Variants in C3 observed in about 807,000 individuals in gnomAD.
C3 encodes the protein complement C3.
C3 carries 97 observed loss-of-function variants against 207.9 expected under a neutral mutation model. That is an observed-to-expected ratio of 0.47 (90% CI 0.40 to 0.55). The LOEUF is 0.55. Among genes scored for constraint, C3 ranks in the 20% least tolerant of loss-of-function variants. The probability of loss-of-function intolerance (pLI) is 0.00; values close to 1 mark genes in which losing one functional copy is unlikely to be tolerated. For synonymous variants in C3, 848 were observed against 857.6 expected (o/e 0.99, Z 0.20); for missense variants, 1,684 against 2,171.7 (o/e 0.78, Z 4.46).
intron 17 of C3, among the ~76,000 whole-genome samples, chr19:6,703,256 G>A (rs1037274436): frequency 6.6e-6 from 1 of 152,136 alleles, no homozygotes; most frequent in Non-Finnish European, 1.5e-5. Flanking sequence ...ACTGGTATAA[G>A]GACATATACA....
chr19:6,703,083 C>T (rs185645321), intron 17 of C3, among the ~76,000 whole-genome samples: 35 of 152,206 alleles, frequency 2.3e-4, no homozygotes, highest in South Asian at 8.3e-4. Flanking sequence ...ACTTCCTCAG[C>T]GGTCACACCT....
chr19:6,685,475 G>T (rs1917981571), intron 29 of C3, among the ~76,000 whole-genome samples: 1 of 152,158 alleles, frequency 6.6e-6, no homozygotes, highest in Non-Finnish European at 1.5e-5. Context: ...CCAGGGCTTG[G>T]AGACACTGAG....
rs756779328 is a variant in C3, at chr19:6,710,609, A to G, written c.1686+30T>C. ...GAGAGAGAGGAGTAGGGAGAGGGAG[A>G]GGGGGCGAGCGAGCCCAGGGCACAC... On this transcript the variant is annotated intron_variant, in intron 13 of 40. Coordinates refer to ENST00000245907, the MANE Select transcript of C3 (RefSeq NM_000064.4). The G allele has an allele frequency of 5.9e-6, 9 of 1,525,666 alleles. No homozygotes were observed. The South Asian group carries it at 9.1e-5, about 15-fold the overall frequency. The allele number at this position is 1,525,666 out of a possible 1,614,324, so 94.5% of individuals were successfully genotyped here. A position where few individuals can be genotyped will look rare whatever the true frequency, so the allele number is the denominator to read the frequency against.
In C3 at chr19:6,702,180, T is replaced by C; in HGVS notation, c.2387A>G (p.Lys796Arg). Reference protein sequence around the residue: ...ISTKLMNIFLKDSITTWEILA... With the variant: ...ISTKLMNIFLRDSITTWEILA... ...AATCTCCCACGTGGTGATGGAGTCT[T>C]TCAAAAATATATTCATGAGCTTCGT... The change falls in exon 19 of 41, where the codon AAA (lysine) becomes AGA (arginine). Residue 796 changes from lysine (K) to arginine (R), a missense_variant. Transcript: ENST00000245907. The C allele has an allele frequency of 1.2e-6, 2 of 1,605,588 alleles. No individual in the cohort carries two copies. The highest frequency in any genetic ancestry group is 1.7e-6 in the Non-Finnish European group (2 of 1,174,146).
rs1402059916 is a variant in C3, at chr19:6,719,660, G to A, written c.75-257C>T. Reference sequence around the variant, plus strand: ...GGCCTTTGAAAGCCTGGGCAACGAGGGGGCCACACATCCCACCAAACCCTG... The same window carrying A: ...GGCCTTTGAAAGCCTGGGCAACGAGAGGGCCACACATCCCACCAAACCCTG... On this transcript the variant is annotated intron_variant, in intron 1 of 40. Coordinates refer to ENST00000245907, the MANE Select transcript of C3 (RefSeq NM_000064.4). The surrounding 1 kb of genome is among the most constrained non-coding windows in gnomAD (Gnocchi z 5.4). Among the ~76,000 whole-genome samples, 2 of 92,246 alleles carry A rather than the reference G, an allele frequency of 2.2e-5. No individual in the cohort carries two copies. The highest frequency in any genetic ancestry group is 4.3e-5 in the Non-Finnish European group (2 of 46,174). The allele number at this position is 92,246 out of a possible 152,430, so 60.5% of individuals were successfully genotyped here. A position where few individuals can be genotyped will look rare whatever the true frequency, so the allele number is the denominator to read the frequency against.
chr19:6,694,338 G>A lies in C3; in HGVS notation c.3154+93C>T, dbSNP rs531723391. ...CTAGGAGAGAAGGTGGAGCCTCAGG[G>A]GAGGGCGTGGTCTTGAGATGAGGTG... On this transcript the variant is annotated intron_variant, in intron 24 of 40. Coordinates refer to ENST00000245907, the MANE Select transcript of C3 (RefSeq NM_000064.4). The A allele has an allele frequency of 9.7e-5, 108 of 1,114,826 alleles. No homozygotes were observed. The South Asian group carries it at 1.3e-3, about 14-fold the overall frequency. The allele number at this position is 1,114,826 out of a possible 1,614,324, so 69.1% of individuals were successfully genotyped here.
intron 19 of C3, among the ~76,000 whole-genome samples, chr19:6,701,016 G>A (rs551624499): frequency 2.0e-5 from 3 of 151,982 alleles, no homozygotes; most frequent in East Asian, 1.9e-4. Context: ...GCAGATAGGC[G>A]GAAATGAGCA....
chr19:6,685,897 T>C (rs565172168), intron 29 of C3, among the ~76,000 whole-genome samples: 1 of 152,302 alleles, frequency 6.6e-6, no homozygotes, highest in South Asian at 2.1e-4. Context: ...TCTAGACACC[T>C]GGGGCAAGAA....
chr19:6,678,679 G>A (rs953597236), intron 38 of C3, among the ~76,000 whole-genome samples: 1 of 152,072 alleles, frequency 6.6e-6, no homozygotes, highest in Non-Finnish European at 1.5e-5. Flanking sequence ...AGAGGTCACA[G>A]CCACCCACAA....
chr19:6,696,850 G>A (rs1181974433), intron 21 of C3, among the ~76,000 whole-genome samples, 191 bp from the exon 22 acceptor site: 2 of 151,446 alleles, frequency 1.3e-5, no homozygotes, highest in African/African-American at 4.9e-5. Context: ...GACCATCCTG[G>A]CTAACACAGT....
chr19:6,706,482 G>A (rs1024699955), intron 17 of C3, among the ~76,000 whole-genome samples: 1 of 151,996 alleles, frequency 6.6e-6, no homozygotes, highest in African/African-American at 2.4e-5. Context: ...GGGCATCTAC[G>A]CTTCTCTGAC....
chr19:6,715,033 T>C (rs1427108388), intron 4 of C3, among the ~76,000 whole-genome samples: 1 of 152,196 alleles, frequency 6.6e-6, no homozygotes, highest in African/African-American at 2.4e-5. Context: ...ACATAGTTCA[T>C]ATGAGTAGGG....
At chr19:6,692,828 G>T in intron 26 of C3, 96 bp downstream of exon 26, 1 of 1,426,744 alleles carries the variant, frequency 7.0e-7, no homozygotes. Flanking sequence ...AGGGAATTGG[G>T]CAGTGGGCAC....
chr19:6,716,829 AGG>A (rs11569413), intron 4 of C3: 5,699 of 152,252 alleles, frequency 0.037, 173 homozygotes, highest in Non-Finnish European at 0.054. Context: ...GGGGACGCTC[AGG>A]GTGGGTATTT....
chr19:6,710,600 G>C, intron 13 of C3, 39 bp downstream of exon 13: 4 of 1,500,614 alleles, frequency 2.7e-6, no homozygotes, highest in Non-Finnish European at 3.7e-6. Flanking sequence ...GAGGAGTAGG[G>C]AGAGGGAGAG....
chr19:6,712,119 G>T, intron 11 of C3, 138 bp downstream of exon 11: 1 of 1,090,452 alleles, frequency 9.2e-7, no homozygotes, highest in South Asian at 1.4e-5. Flanking sequence ...CAAATGGCAG[G>T]ACCCCTCTGC....
intron 37 of C3, 43 bp from the exon 38 acceptor site, chr19:6,679,251 T>A: frequency 6.4e-7 from 1 of 1,563,018 alleles, no homozygotes; most frequent in Non-Finnish European, 8.8e-7. Flanking sequence ...CCACTCCTTA[T>A]CTGGGGCCTA....
At position 6,686,286 on chromosome 19, in the gene C3, A is replaced by G; in HGVS notation, c.3648T>C (p.Asp1216=). The G allele has an allele frequency of 6.2e-7, 1 of 1,613,948 alleles. No homozygotes were observed. Among genetic ancestry groups the G allele is most frequent in the South Asian group, 1.1e-5 (1 of 91,066 alleles). The change falls in exon 29 of 41, where the codon GAT becomes GAC. Residue 1216 remains aspartate, a splice_region_variant and synonymous_variant. Transcript: ENST00000245907. ...TACCAGGGTCCTCCCAGCGGTTCTT[A>G]TCTGCAAAGAAGATACCCCATCCCC... The part of the protein sequence containing the change: ...LLNKFLTTAK[D]KNRWEDPGKQ...
At position 6,707,520 on chromosome 19, in the gene C3, G is replaced by A. The variant is rs1255513098; in HGVS notation, c.1993C>T (p.Pro665Ser). Residue 665 changes from proline to serine, a missense_variant, in exon 16 of 41, where the codon CCA (proline) becomes TCA (serine). Pro to Ser is a moderately conservative substitution (Grantham distance 74). Transcript: ENST00000245907. The part of the protein sequence containing the change: ...AQRAELQCPQ[P>S]AARRRRSVQL... ...ACGGAACGGCGTCGGCGGGCGGCTG[G>A]CTGCGGGCACTGAAGTTCTGCAGGG... 1.2e-6 allele frequency: 2 copies of A among 1,614,090 alleles called. No homozygotes were observed. Among genetic ancestry groups the A allele is most frequent in the Non-Finnish European group, 1.7e-6 (2 of 1,179,978 alleles).
Sources: gnomAD v4.1 joint callset for allele counts (sites outside exome capture counted in the v4.1 genomes callset) on GRCh38, gnomAD v4.1.1 for gene constraint, Gnocchi (gnomAD v3.1) non-coding constraint, MANE v1.5 for transcripts, NCBI Gene and HGNC (gene_info 2026-07-23, HGNC 2026-07-21) for gene names.